SPIN1: variants seen among roughly 807,000 people sequenced by gnomAD.
SPIN1 encodes the protein spindlin 1.
In SPIN1, 3 loss-of-function variants were observed where a neutral mutation model predicts 26.0. The observed-to-expected ratio is 0.12, with a 90% CI of 0.05 to 0.30. The LOEUF is 0.30. Among genes scored for constraint, SPIN1 ranks in the 10% least tolerant of loss-of-function variants. The pLI is 1.00. For missense variants in SPIN1, 126 were observed against 333.4 expected, an observed-to-expected ratio of 0.38 and a Z score of 4.84; for synonymous variants, 101 against 116.5, an observed-to-expected ratio of 0.87 and a Z score of 0.86.
intron 4 of SPIN1, among the ~76,000 whole-genome samples, chr9:88,465,217 A>G (rs536998157): frequency 1.1e-4 from 17 of 152,348 alleles, no homozygotes; most frequent in South Asian, 2.1e-4. Context: ...AAAATTGTGA[A>G]TAGTGCTCCT....
intron 1 of SPIN1, among the ~76,000 whole-genome samples, chr9:88,412,851 T>G (rs979971406): frequency 1.3e-5 from 2 of 151,800 alleles, no homozygotes; most frequent in African/African-American, 4.8e-5. Flanking sequence ...ACCCGGGTAA[T>G]TTTTGTATTT....
At chr9:88,415,914 T>A (rs1827553188) in intron 1 of SPIN1, among the ~76,000 whole-genome samples, 1 of 150,714 alleles carries the variant, frequency 6.6e-6, no homozygotes, top group African/African-American at 2.4e-5. Context: ...CGGCTAATTT[T>A]TTTTTTTTTT....
Position 88,476,303 on chromosome 9 carries a change from G to A in SPIN1, c.*1026G>A, listed in dbSNP as rs1317709240. 6.6e-6 allele frequency: 1 copy of A among 152,204 alleles called. No individual in the cohort carries two copies. The highest frequency in any genetic ancestry group is 1.5e-5 in the Non-Finnish European group (1 of 68,044). The allele number at this position is 152,204 out of a possible 1,614,324, so 9.4% of individuals were successfully genotyped here. ...AGAATACAATGCTTTTATATTGGAA[G>A]TATAAGTTTTGAGTGGCATTGTTGC... is the stretch of plus-strand genomic sequence containing the variant. On this transcript the variant is annotated 3_prime_UTR_variant, in exon 6 of 6. Transcript: ENST00000375859.
chr9:88,434,541 C>A (rs1030954449), intron 2 of SPIN1, among the ~76,000 whole-genome samples: 2 of 152,108 alleles, frequency 1.3e-5, no homozygotes, highest in Non-Finnish European at 2.9e-5. Flanking sequence ...CATTTGGTGA[C>A]AAACTGATAA....
At chr9:88,457,637 GT>G (rs1275664939) in intron 3 of SPIN1, among the ~76,000 whole-genome samples, 6 of 150,128 alleles carry the variant, frequency 4.0e-5, no homozygotes, top group Non-Finnish European at 5.9e-5. Flanking sequence ...TAAAATGAAA[GT>G]TTTTTTTTTC....
intron 4 of SPIN1, among the ~76,000 whole-genome samples, chr9:88,466,823 G>A (rs1428238112): frequency 2.0e-5 from 3 of 152,124 alleles, no homozygotes; most frequent in South Asian, 2.1e-4. Context: ...CTGCAGCCTC[G>A]ACCTCTGGGT....
intron 4 of SPIN1, among the ~76,000 whole-genome samples, chr9:88,465,548 G>T (rs1399417436): frequency 6.6e-6 from 1 of 152,158 alleles, no homozygotes; most frequent in African/African-American, 2.4e-5. Context: ...GATGATTAGT[G>T]ATATTGAGCA....
At chr9:88,403,368 C>T (rs1827229091) in intron 1 of SPIN1, among the ~76,000 whole-genome samples, 2 of 152,100 alleles carry the variant, frequency 1.3e-5, no homozygotes, top group African/African-American at 4.8e-5. Flanking sequence ...ATACCTTTTG[C>T]TTTATACATT....
chr9:88,472,425 C>T (rs1828807521), intron 5 of SPIN1, among the ~76,000 whole-genome samples: 1 of 149,492 alleles, frequency 6.7e-6, no homozygotes, highest in Non-Finnish European at 1.5e-5. Flanking sequence ...GTAGAGATGG[C>T]GTTTCACCAT....
chr9:88,470,087 A>G (rs942875860), intron 5 of SPIN1, among the ~76,000 whole-genome samples: 2 of 152,214 alleles, frequency 1.3e-5, no homozygotes, highest in Non-Finnish European at 1.5e-5. Flanking sequence ...CCTTTGTGCT[A>G]GCTTCTTTCC....
At chr9:88,409,806 C>T (rs547791107) in intron 1 of SPIN1, among the ~76,000 whole-genome samples, 2 of 151,760 alleles carry the variant, frequency 1.3e-5, no homozygotes, top group East Asian at 3.9e-4. Flanking sequence ...CCACTGCACT[C>T]CAGCCTGGGC....
chr9:88,469,763 G>A (rs1256959052), intron 5 of SPIN1, among the ~76,000 whole-genome samples: 1 of 152,166 alleles, frequency 6.6e-6, no homozygotes, highest in Non-Finnish European at 1.5e-5. Context: ...AAACACTTGA[G>A]CTCAGGTAGT....
chr9:88,431,861 C>T lies in SPIN1; in HGVS notation c.52+5270C>T, dbSNP rs1431912775. Among the ~76,000 whole-genome samples, 7 of 152,060 alleles carry T rather than the reference C, an allele frequency of 4.6e-5. No individual in the cohort carries two copies. In the East Asian group the frequency reaches 1.4e-3, roughly 29 times the overall value. ...GGCCAGGAGTGTGAGACTGCCTGGGCAACATGGTGAGACCCCTTCTCTACA... is the reference window on the plus strand; with the variant it reads ...GGCCAGGAGTGTGAGACTGCCTGGGTAACATGGTGAGACCCCTTCTCTACA... On this transcript the variant is annotated intron_variant, in intron 2 of 5. Transcript: ENST00000375859.
chr9:88,456,052 T>C (rs1484898096), intron 3 of SPIN1, among the ~76,000 whole-genome samples: 1 of 152,214 alleles, frequency 6.6e-6, no homozygotes, highest in Non-Finnish European at 1.5e-5. Context: ...ACATTTTCTT[T>C]AGTTTCCCGT....
At chr9:88,398,991 C>G (rs1296174862) in intron 1 of SPIN1, among the ~76,000 whole-genome samples, 3 of 151,236 alleles carry the variant, frequency 2.0e-5, no homozygotes, top group Non-Finnish European at 4.4e-5. Flanking sequence ...GCATTTGTTA[C>G]AGTGATTTGA....
At chr9:88,461,546 G>C (rs1828576715) in intron 3 of SPIN1, among the ~76,000 whole-genome samples, 1 of 151,956 alleles carries the variant, frequency 6.6e-6, no homozygotes, top group Non-Finnish European at 1.5e-5. Context: ...ACAATAAATT[G>C]TTTCTTTAAA....
chr9:88,452,616 C>T (rs977014018), intron 3 of SPIN1, among the ~76,000 whole-genome samples: 3 of 152,114 alleles, frequency 2.0e-5, no homozygotes, highest in African/African-American at 7.2e-5. Context: ...TCCCAAAGTG[C>T]GCAGTGTGTA....
At chr9:88,435,986 G>A (rs1433661486) in intron 2 of SPIN1, among the ~76,000 whole-genome samples, 1 of 152,180 alleles carries the variant, frequency 6.6e-6, no homozygotes, top group Non-Finnish European at 1.5e-5. Flanking sequence ...CCATATATGT[G>A]TGGAAATGTA....
intron 4 of SPIN1, among the ~76,000 whole-genome samples, chr9:88,467,117 G>A (rs2118210672): frequency 6.6e-6 from 1 of 152,192 alleles, no homozygotes; most frequent in South Asian, 2.1e-4. Flanking sequence ...CTAAAATTGT[G>A]GACTGGAGAA....
Sources: gnomAD v4.1 joint callset for allele counts (sites outside exome capture counted in the v4.1 genomes callset) on GRCh38, gnomAD v4.1.1 for gene constraint, MANE v1.5 for transcripts, NCBI Gene and HGNC (gene_info 2026-07-23, HGNC 2026-07-21) for gene names.